The following ALKBH6 variants were observed in gnomAD, a reference collection of about 807,000 sequenced individuals.
ALKBH6 encodes the protein alkB homolog 6, nucleotide demethylase.
Under a neutral mutation model 25.1 loss-of-function variants are expected in ALKBH6, and 20 were observed. That is an observed-to-expected ratio of 0.80 (90% confidence interval 0.56 to 1.16). ALKBH6 has a LOEUF of 1.16. Ranked by LOEUF, ALKBH6 falls within the 50% of genes most tolerant of loss-of-function variation. The probability of loss-of-function intolerance (pLI) is 0.00; values close to 1 mark genes in which losing one functional copy is unlikely to be tolerated. For missense variants in ALKBH6, 263 were observed against 326.5 expected (o/e 0.81, Z 1.50); for synonymous variants, 156 against 147.5 (o/e 1.06, Z -0.42).
Position 36,010,879 on chromosome 19 carries a change from A to C in ALKBH6, c.336+15T>G, listed in dbSNP as rs776069966. The C allele has an allele frequency of 1.9e-6, 3 of 1,613,876 alleles. No individual in the cohort carries two copies. The South Asian group carries it at 3.3e-5, about 18-fold the overall frequency. On this transcript the variant is annotated intron_variant, in intron 5 of 6. Transcript: ENST00000378875. This position sits in a 1 kb window ranked among gnomAD's most constrained non-coding sequence, Gnocchi z 5.5. Reference sequence around the variant, plus strand: ...AGTCTGAGTGGGGGGACACGGGCCGAGGGTGTGTGGTTACCATGATGCCCT... The same window carrying C: ...AGTCTGAGTGGGGGGACACGGGCCGCGGGTGTGTGGTTACCATGATGCCCT...
chr19:36,009,439 C>G lies in ALKBH6; in HGVS notation c.568G>C (p.Asp190His). The G allele has an allele frequency of 8.0e-7, 1 of 1,245,590 alleles. No homozygotes were observed. Among genetic ancestry groups the G allele is most frequent in the Non-Finnish European group, 1.0e-6 (1 of 996,756 alleles). The allele number at this position is 1,245,590 out of a possible 1,614,324, so 77.2% of individuals were successfully genotyped here. The change falls in exon 7 of 7, where the codon GAC becomes CAC. Residue 190 changes from aspartate to histidine, a missense_variant. Asp to His is a moderately conservative substitution (Grantham distance 81). Around this residue, in one of 3 missense-constraint regions of ALKBH6, gnomAD observed 148 missense variants for 157.5 expected, o/e 0.94. Transcript: ENST00000378875. ...LLHGIAAARV[D>H]ALDAASSPPN... The stretch of plus-strand genomic sequence containing the variant: ...GGCGAGGAGGCGGCGTCCAGCGCGT[C>G]TACGCGGGCGGCGGCGATGCCGTGG...
Position 36,014,190 on chromosome 19 carries a change from C to G in ALKBH6, c.-41G>C. The G allele has an allele frequency of 6.2e-7, 1 of 1,612,386 alleles. No homozygotes were observed. The highest frequency in any genetic ancestry group is 8.5e-7 in the Non-Finnish European group (1 of 1,179,136). ...CAAAACTGACCGTCCACCAGCGTCC[C>G]CTCCAATTTCCAAATTCAACATCCC... On this transcript the variant is annotated 5_prime_UTR_variant, in exon 1 of 7. Coordinates refer to ENST00000378875, the MANE Select transcript of ALKBH6 (RefSeq NM_032878.5).
chr19:36,014,221 C>T, upstream of ALKBH6: 4 of 1,612,900 alleles, frequency 2.5e-6, no homozygotes, highest in South Asian at 1.1e-5. Flanking sequence ...ATCCCCATCC[C>T]CCTCCCAGCC....
chr19:36,013,167 C>T lies in ALKBH6; in HGVS notation c.55-78G>A. 6.7e-7 allele frequency: 1 copy of T among 1,496,134 alleles called. No homozygotes were observed. The highest frequency in any genetic ancestry group is 9.3e-7 in the Non-Finnish European group (1 of 1,075,124). The allele number at this position is 1,496,134 out of a possible 1,614,324, so 92.7% of individuals were successfully genotyped here. On this transcript the variant is annotated intron_variant, in intron 2 of 6. Coordinates refer to ENST00000378875, the MANE Select transcript of ALKBH6 (RefSeq NM_032878.5). This position sits in a 1 kb window ranked among gnomAD's most constrained non-coding sequence, Gnocchi z 4.6. ...ATATCATCACAGAGCAACCCCTATGCCTGGAGACAGGCTCAGGATGTCCTC... is the reference window on the plus strand; with the variant it reads ...ATATCATCACAGAGCAACCCCTATGTCTGGAGACAGGCTCAGGATGTCCTC...
Position 36,010,772 on chromosome 19 carries a change from G to T in ALKBH6, c.337-89C>A. On this transcript the variant is annotated intron_variant, in intron 5 of 6. Transcript: ENST00000378875. The surrounding 1 kb of genome is among the most constrained non-coding windows in gnomAD (Gnocchi z 5.5). ...GGGGGGCTTCCCAAGCCAGGGACAG[G>T]GAGGTGAATGCCTGTTTGGGAGATG... 1 of 1,564,840 alleles carries T rather than the reference G, an allele frequency of 6.4e-7. No individual in the cohort carries two copies.
At chr19:36,011,244 T>G in intron 4 of ALKBH6, 160 bp downstream of exon 4, 1 of 1,143,652 alleles carries the variant, frequency 8.7e-7, no homozygotes, top group Non-Finnish European at 1.2e-6. Flanking sequence ...AGGAAATCCC[T>G]AATCCCTCAG....
In ALKBH6 at chr19:36,011,175, T is replaced by C. The variant is rs1968602879; in HGVS notation, c.185-130A>G. ...CCGTTTGGAGATAGCCACTGGGTCC[T>C]TCAGAGGTTTCCTCACTTCTCCAGA... On this transcript the variant is annotated intron_variant, in intron 4 of 6. Transcript: ENST00000378875. The C allele has an allele frequency of 3.8e-6, 5 of 1,315,730 alleles. No individual in the cohort carries two copies. In the South Asian group the frequency reaches 5.7e-5, roughly 15 times the overall value. 81.5% of individuals were successfully genotyped at this position (1,315,730 alleles called of 1,614,324 possible).
In ALKBH6 at chr19:36,013,772, C is replaced by A; in HGVS notation, c.-25-350G>T. 1 of 1,274,028 alleles carries A rather than the reference C, an allele frequency of 7.8e-7. No homozygotes were observed. Among genetic ancestry groups the A allele is most frequent in the South Asian group, 1.9e-5 (1 of 52,642 alleles). The allele number at this position is 1,274,028 out of a possible 1,614,324, so 78.9% of individuals were successfully genotyped here. A position where few individuals can be genotyped will look rare whatever the true frequency, so the allele number is the denominator to read the frequency against. On this transcript the variant is annotated intron_variant, in intron 1 of 6. Coordinates refer to ENST00000378875, the MANE Select transcript of ALKBH6 (RefSeq NM_032878.5). This position sits in a 1 kb window ranked among gnomAD's most constrained non-coding sequence, Gnocchi z 4.6. ...AGCCCCCAGGGCTGCACTCCAGAGCCCCTTTAAACACCTTGAGACCCCGCT... is the reference window on the plus strand; with the variant it reads ...AGCCCCCAGGGCTGCACTCCAGAGCACCTTTAAACACCTTGAGACCCCGCT...
chr19:36,014,133 T>TG (rs771247637), intron 1 of ALKBH6, 42 bp downstream of exon 1: 1 of 1,609,922 alleles, frequency 6.2e-7, no homozygotes. Context: ...CTTTCAGCCC[T>TG]ATTGACATCC....
chr19:36,010,467 G>C lies in ALKBH6; in HGVS notation c.453+100C>G. ...GGGACAAGGGAAGGTATCTGGGAGAGTGCCAGGAGTACCCCGAAGGCATGT... is the reference window on the plus strand; with the variant it reads ...GGGACAAGGGAAGGTATCTGGGAGACTGCCAGGAGTACCCCGAAGGCATGT... On this transcript the variant is annotated intron_variant, in intron 6 of 6. Transcript: ENST00000378875. The surrounding 1 kb of genome is among the most constrained non-coding windows in gnomAD (Gnocchi z 5.5). 9.8e-7 allele frequency: 1 copy of C among 1,022,914 alleles called. No homozygotes were observed. The highest frequency in any genetic ancestry group is 1.8e-5 in the Admixed American group (1 of 55,402). The allele number at this position is 1,022,914 out of a possible 1,614,324, so 63.4% of individuals were successfully genotyped here.
intron 6 of ALKBH6, 57 bp from the exon 7 acceptor site, chr19:36,009,610 G>A (rs368834144): frequency 5.5e-6 from 5 of 910,300 alleles, no homozygotes; most frequent in East Asian, 7.7e-5. Context: ...GGGGGTGGGC[G>A]AGAGGTCGGT....
At position 36,010,803 on chromosome 19, in the gene ALKBH6, G is replaced by A. The variant is rs751827184; in HGVS notation, c.336+91C>T. The A allele has an allele frequency of 6.4e-7, 1 of 1,573,944 alleles. No homozygotes were observed. Among genetic ancestry groups the A allele is most frequent in the Non-Finnish European group, 8.7e-7 (1 of 1,144,750 alleles). On this transcript the variant is annotated intron_variant, in intron 5 of 6. Coordinates refer to ENST00000378875, the MANE Select transcript of ALKBH6 (RefSeq NM_032878.5). This position sits in a 1 kb window ranked among gnomAD's most constrained non-coding sequence, Gnocchi z 5.5. The stretch of plus-strand genomic sequence containing the variant: ...GAATGCCTGTTTGGGAGATGTGGCT[G>A]CCTAATGAGTGAGGGTGGGTACAGA...
chr19:36,009,552 G>T lies in ALKBH6; in HGVS notation c.455C>A (p.Pro152His). 2 of 1,252,578 alleles carry T rather than the reference G, an allele frequency of 1.6e-6. No individual in the cohort carries two copies. Among genetic ancestry groups the T allele is most frequent in the East Asian group, 3.1e-5 (1 of 32,778 alleles). 77.6% of individuals were successfully genotyped at this position (1,252,578 alleles called of 1,614,324 possible). A position where few individuals can be genotyped will look rare whatever the true frequency, so the allele number is the denominator to read the frequency against. ...RPEDDDPTEQPRPPPRPTTSL... is the reference protein window; with the variant it reads ...RPEDDDPTEQHRPPPRPTTSL... ...GGTGGTGGGCCGGGGCGGAGGCCGA[G>T]GCTGCAGGGCGGGTTGAGGGTCAGC... The change falls in exon 7 of 7, where the codon CCT (proline) becomes CAT (histidine). Residue 152 changes from proline (P) to histidine (H), a missense_variant and splice_region_variant. Transcript: ENST00000378875.
Position 36,010,682 on chromosome 19 carries a change from G to T in ALKBH6, c.338C>A (p.Pro113His), listed in dbSNP as rs529758959. 1.9e-6 allele frequency: 3 copies of T among 1,613,660 alleles called. No homozygotes were observed. In the African/African-American group the frequency reaches 4.0e-5, roughly 22 times the overall value. ...GTAGTACAGTGGTCCGTCCTCGTGGGGCTAGGGAGTGGGCACCAGGGCTGG... is the reference window on the plus strand; with the variant it reads ...GTAGTACAGTGGTCCGTCCTCGTGGTGCTAGGGAGTGGGCACCAGGGCTGG... ...NQYLPGEGIM[P>H]HEDGPLYYPT... The change falls in exon 6 of 7, where the codon CCC (proline) becomes CAC (histidine). Residue 113 changes from proline (P) to histidine (H), a missense_variant and splice_region_variant. By Grantham distance (77) the Pro-to-His change is moderately conservative (BLOSUM62 -2). Around this residue, in one of 3 missense-constraint regions of ALKBH6, gnomAD observed 112 missense variants for 153.0 expected, o/e 0.73. Coordinates refer to ENST00000378875, the MANE Select transcript of ALKBH6 (RefSeq NM_032878.5). This position sits in a 1 kb window ranked among gnomAD's most constrained non-coding sequence, Gnocchi z 5.5.
In ALKBH6 at chr19:36,013,745, A is replaced by G. The variant is rs1187949780; in HGVS notation, c.-25-323T>C. The G allele has an allele frequency of 1.1e-5, 14 of 1,280,856 alleles. No homozygotes were observed. Among genetic ancestry groups the G allele is most frequent in the African/African-American group, 1.5e-5 (1 of 65,514 alleles). The allele number at this position is 1,280,856 out of a possible 1,614,324, so 79.3% of individuals were successfully genotyped here. A position where few individuals can be genotyped will look rare whatever the true frequency, so the allele number is the denominator to read the frequency against. On this transcript the variant is annotated intron_variant, in intron 1 of 6. Transcript: ENST00000378875. This position sits in a 1 kb window ranked among gnomAD's most constrained non-coding sequence, Gnocchi z 4.6. ...GGAGCCTTTCTCAAAAGCTCTACAC[A>G]TAGCCCCCAGGGCTGCACTCCAGAG...
chr19:36,009,872 C>A (rs987562048), intron 6 of ALKBH6, among the ~76,000 whole-genome samples: 5 of 151,916 alleles, frequency 3.3e-5, no homozygotes, highest in African/African-American at 1.2e-4. Context: ...GGGCTGGGAC[C>A]CAGGAATAGG....
Position 36,009,200 on chromosome 19 carries a change from C to T in ALKBH6, c.*90G>A, listed in dbSNP as rs1968504391. 4 of 1,226,774 alleles carry T rather than the reference C, an allele frequency of 3.3e-6. No homozygotes were observed. Among genetic ancestry groups the T allele is most frequent in the Middle Eastern group, 3.1e-4 (1 of 3,206 alleles). The allele number at this position is 1,226,774 out of a possible 1,614,324, so 76.0% of individuals were successfully genotyped here. ...TGGGAAAATAAATAACCCAGGGGAG[C>T]CCCCTTTGCCCACGGTTCCTAGGTC... On this transcript the variant is annotated 3_prime_UTR_variant, in exon 7 of 7. Transcript: ENST00000378875.
At position 36,010,206 on chromosome 19, in the gene ALKBH6, T is replaced by G. The variant is rs1968556206; in HGVS notation, c.453+361A>C. The stretch of plus-strand genomic sequence containing the variant: ...TGCACCCCAAATCACATTCCTGGAG[T>G]AGCAGGACGTCTGGGGCACCCTGAG... On this transcript the variant is annotated intron_variant, in intron 6 of 6. Transcript: ENST00000378875. The surrounding 1 kb of genome is among the most constrained non-coding windows in gnomAD (Gnocchi z 5.5). The G allele has an allele frequency of 4.2e-6, 1 of 240,056 alleles. No individual in the cohort carries two copies. 14.9% of individuals were successfully genotyped at this position (240,056 alleles called of 1,614,324 possible). A position where few individuals can be genotyped will look rare whatever the true frequency, so the allele number is the denominator to read the frequency against.
At position 36,010,557 on chromosome 19, in the gene ALKBH6, G is replaced by A; in HGVS notation, c.453+10C>T. ...CCTACAAGCAGCTGGGGCAGTGTCT[G>A]GGGGCCCACCTGTTCTGTAGGGTCA... On this transcript the variant is annotated intron_variant, in intron 6 of 6. Transcript: ENST00000378875. The surrounding 1 kb of genome is among the most constrained non-coding windows in gnomAD (Gnocchi z 5.5). 5 of 1,610,410 alleles carry A rather than the reference G, an allele frequency of 3.1e-6. No individual in the cohort carries two copies. Among genetic ancestry groups the A allele is most frequent in the Non-Finnish European group, 4.2e-6 (5 of 1,177,278 alleles).
Sources: gnomAD v4.1 joint callset for allele counts (sites outside exome capture counted in the v4.1 genomes callset) on GRCh38, gnomAD v4.1.1 for gene constraint, gnomAD v4.1.1 regional missense constraint, Gnocchi (gnomAD v3.1) non-coding constraint, MANE v1.5 for transcripts, NCBI Gene and HGNC (gene_info 2026-07-23, HGNC 2026-07-21) for gene names.